DACH2: variants seen among roughly 807,000 people sequenced by gnomAD.
DACH2 encodes the protein dachshund family transcription factor 2.
In DACH2, 17 loss-of-function variants were observed where a neutral mutation model predicts 35.8. The observed-to-expected ratio is 0.48, with a 90% CI of 0.33 to 0.71. DACH2 has a LOEUF of 0.71. Ranked by LOEUF, DACH2 falls within the 30% of genes least tolerant of loss-of-function variation. The pLI is 0.02. For synonymous variants in DACH2, 195 were observed against 177.3 expected (o/e 1.10, Z -0.79); for missense variants, 469 against 472.7 (o/e 0.99, Z 0.07).
intron 3 of DACH2, among the ~76,000 whole-genome samples, chrX:86,530,357 G>C (rs2038700318): frequency 8.9e-6 from 1 of 111,868 alleles, no homozygotes; most frequent in African/African-American, 3.3e-5. Context: ...ATCTCAAACT[G>C]TAATCTTCAT....
At chrX:86,245,459 C>T (rs766237139) in intron 1 of DACH2, among the ~76,000 whole-genome samples, 9 of 111,896 alleles carry the variant, frequency 8.0e-5, no homozygotes, top group African/African-American at 2.6e-4. Context: ...CCAGGAACAC[C>T]TTGCCCCTTT....
intron 2 of DACH2, among the ~76,000 whole-genome samples, chrX:86,379,868 A>G (rs1311843390): frequency 9.0e-6 from 1 of 110,822 alleles, no homozygotes; most frequent in East Asian, 2.9e-4. Flanking sequence ...CCCTTTCCAG[A>G]TCATCAGCTA....
chrX:86,737,687 A>C lies in DACH2; in HGVS notation c.1105-2060A>C, dbSNP rs139862983. ...ACTAGGCTAAAAGCAAGGTGTGGTCAAGGTGTGCTGCATTTCTTTCTATAG... is the reference window on the plus strand; with the variant it reads ...ACTAGGCTAAAAGCAAGGTGTGGTCCAGGTGTGCTGCATTTCTTTCTATAG... On this transcript the variant is annotated intron_variant, in intron 6 of 11. Coordinates refer to ENST00000373125, the MANE Select transcript of DACH2 (RefSeq NM_053281.3). 5.2e-3 allele frequency among the ~76,000 whole-genome samples: 583 copies of C among 111,842 alleles called. 6 individuals carry two copies. The highest frequency in any genetic ancestry group is 0.017 in the African/African-American group (539 of 30,816).
At chrX:86,633,157 A>C in intron 3 of DACH2, among the ~76,000 whole-genome samples, 1 of 111,426 alleles carries the variant, frequency 9.0e-6, no homozygotes, top group Admixed American at 9.6e-5. Flanking sequence ...CAAATGATAA[A>C]GGAAATGAAA....
intron 3 of DACH2, among the ~76,000 whole-genome samples, chrX:86,585,672 T>C (rs1294864303): frequency 9.0e-6 from 1 of 111,264 alleles, no homozygotes; most frequent in African/African-American, 3.3e-5. Context: ...GTATTCAATT[T>C]TCTGTTCTTG....
At position 86,234,905 on chromosome X, in the gene DACH2, G is replaced by A. The variant is rs567748295; in HGVS notation, c.488+85797G>A. ...TAGGGTTATAGCCATGAGCCACTGC[G>A]CCCAGCCCAATATTTGTACTTTAGT... On this transcript the variant is annotated intron_variant, in intron 1 of 11. Transcript: ENST00000373125. 2.5e-4 allele frequency among the ~76,000 whole-genome samples: 28 copies of A among 111,377 alleles called. No individual in the cohort carries two copies. In the Middle Eastern group the frequency reaches 0.014, roughly 55 times the overall value.
chrX:86,689,687 A>G (rs1355541564), intron 4 of DACH2, among the ~76,000 whole-genome samples: 1 of 111,617 alleles, frequency 9.0e-6, no homozygotes, highest in African/African-American at 3.2e-5. Context: ...ATCAATTTAG[A>G]CCCATATTTT....
chrX:86,236,329 G>A (rs2033056764), intron 1 of DACH2, among the ~76,000 whole-genome samples: 1 of 112,004 alleles, frequency 8.9e-6, no homozygotes, highest in South Asian at 3.7e-4. Context: ...ACACATAAGT[G>A]CTTATTGAAT....
At chrX:86,268,813 T>C (rs963562154) in intron 1 of DACH2, among the ~76,000 whole-genome samples, 1 of 110,878 alleles carries the variant, frequency 9.0e-6, no homozygotes, top group Non-Finnish European at 1.9e-5. Context: ...GGATTACAAG[T>C]GTGACTCACC....
chrX:86,260,862 A>C (rs1202380218), intron 1 of DACH2, among the ~76,000 whole-genome samples: 1 of 111,536 alleles, frequency 9.0e-6, no homozygotes, highest in Non-Finnish European at 1.9e-5. Context: ...GGTGTCTCCT[A>C]TTAAGGGATG....
chrX:86,454,841 G>C (rs955285907), intron 2 of DACH2, among the ~76,000 whole-genome samples: 1 of 111,952 alleles, frequency 8.9e-6, no homozygotes, highest in African/African-American at 3.2e-5. Flanking sequence ...TCATTTGAAG[G>C]AGAAGAGGCA....
chrX:86,457,120 A>C (rs1015944389), intron 2 of DACH2, among the ~76,000 whole-genome samples: 11 of 111,396 alleles, frequency 9.9e-5, no homozygotes, highest in African/African-American at 3.6e-4. Context: ...GTGGAATAGG[A>C]TATGAGGGTG....
intron 5 of DACH2, among the ~76,000 whole-genome samples, chrX:86,712,618 A>T (rs2148458746): frequency 9.0e-6 from 1 of 111,513 alleles, no homozygotes; most frequent in African/African-American, 3.3e-5. Flanking sequence ...TCAATTTACA[A>T]TAAAAATTGT....
intron 2 of DACH2, among the ~76,000 whole-genome samples, chrX:86,484,890 A>G (rs1236134094): frequency 8.9e-6 from 1 of 112,112 alleles, no homozygotes; most frequent in African/African-American, 3.2e-5. Context: ...TGACAACTGC[A>G]GATGAAATTT....
At chrX:86,186,993 C>T (rs759878760) in intron 1 of DACH2, among the ~76,000 whole-genome samples, 18 of 111,425 alleles carry the variant, frequency 1.6e-4, no homozygotes, top group African/African-American at 4.6e-4. Context: ...AGAAAAGAAA[C>T]GGGAATTTAT....
intron 1 of DACH2, among the ~76,000 whole-genome samples, chrX:86,303,986 A>G (rs2034626616): frequency 9.0e-6 from 1 of 111,488 alleles, no homozygotes; most frequent in Admixed American, 9.6e-5. Context: ...AAAATATACT[A>G]TAGTTATAGT....
chrX:86,783,666 G>A (rs201651032), intron 7 of DACH2, among the ~76,000 whole-genome samples: 2 of 111,844 alleles, frequency 1.8e-5, no homozygotes, highest in East Asian at 5.6e-4. Context: ...GTCAGACACA[G>A]AACAAAAAAC....
At chrX:86,733,162 G>A (rs538496573) in intron 6 of DACH2, among the ~76,000 whole-genome samples, 5 of 111,843 alleles carry the variant, frequency 4.5e-5, no homozygotes, top group African/African-American at 9.7e-5. Flanking sequence ...CATCCCCAAC[G>A]TGGTGCGTTA....
chrX:86,471,580 A>G (rs774058709), intron 2 of DACH2, among the ~76,000 whole-genome samples: 1 of 111,402 alleles, frequency 9.0e-6, no homozygotes, highest in East Asian at 2.8e-4. Flanking sequence ...TCTCTGAAAG[A>G]TAAATAACCA....
Sources: allele counts gnomAD v4.1 joint callset (sites outside exome capture counted in the v4.1 genomes callset), GRCh38; gene constraint gnomAD v4.1.1; transcripts MANE v1.5; gene names NCBI Gene and HGNC (gene_info 2026-07-23, HGNC 2026-07-21).